The following ERBB4 variants were observed in gnomAD, a reference collection of about 807,000 sequenced individuals.
The protein encoded by ERBB4 is erb-b2 receptor tyrosine kinase 4, also known as receptor tyrosine-protein kinase erbB-4.
ERBB4 carries 42 observed loss-of-function variants against 158.0 expected under a neutral mutation model. The ratio of observed to expected loss-of-function variants is 0.27; its 90% CI spans 0.21 to 0.34. The LOEUF (loss-of-function observed/expected upper bound fraction) is 0.34. Ranked by LOEUF, ERBB4 falls within the 10% of genes least tolerant of loss-of-function variation. The probability of loss-of-function intolerance (pLI) is 1.00; values close to 1 mark genes in which losing one functional copy is unlikely to be tolerated. For missense variants in ERBB4, 1,333 were observed against 1,624.1 expected (o/e 0.82, Z 3.08); for synonymous variants, 583 against 558.7 (o/e 1.04, Z -0.61).
intron 4 of ERBB4, among the ~76,000 whole-genome samples, chr2:211,781,382 T>G (rs531288424): frequency 1.3e-5 from 2 of 152,316 alleles, no homozygotes; most frequent in East Asian, 1.9e-4. Context: ...TCTATGAATT[T>G]GCCAATTCCC....
chr2:211,382,849 A>G lies in ERBB4; in HGVS notation c.*766T>C, dbSNP rs543272144. On this transcript the variant is annotated 3_prime_UTR_variant, in exon 28 of 28. Transcript: ENST00000342788. ...AGTAGTGGCCATTTCACTATATTAA[A>G]ATATTTCTTGCTTAAATTCTGTGAA... 4.8e-4 allele frequency: 111 copies of G among 232,782 alleles called. 1 individual carries two copies. The highest frequency in any genetic ancestry group is 2.4e-3 in the South Asian group (13 of 5,528). 14.4% of individuals were successfully genotyped at this position (232,782 alleles called of 1,614,324 possible). A position where few individuals can be genotyped will look rare whatever the true frequency, so the allele number is the denominator to read the frequency against.
chr2:212,323,736 G>T (rs112672467), intron 1 of ERBB4, among the ~76,000 whole-genome samples: 3,784 of 150,540 alleles, frequency 0.025, 223 homozygotes, highest in Non-Finnish European at 0.039. Context: ...TAGAATATCG[G>T]TTATTTATCT....
intron 1 of ERBB4, among the ~76,000 whole-genome samples, chr2:212,487,981 C>G (rs1015470009): frequency 9.2e-5 from 14 of 152,094 alleles, no homozygotes; most frequent in African/African-American, 2.9e-4. Flanking sequence ...AACACGTGCT[C>G]TCTTCTCAGC....
chr2:211,795,673 C>T (rs13425683), intron 3 of ERBB4, among the ~76,000 whole-genome samples: 5,669 of 151,508 alleles, frequency 0.037, 354 homozygotes, highest in African/African-American at 0.13. Flanking sequence ...ATGCAAAAGA[C>T]GGAGAAAATC....
Position 211,377,327 on chromosome 2 carries a change from G to T in ERBB4, c.*6288C>A. The T allele has an allele frequency of 8.6e-6, 2 of 233,204 alleles. No homozygotes were observed. Among genetic ancestry groups the T allele is most frequent in the East Asian group, 1.2e-4 (2 of 16,546 alleles). The allele number at this position is 233,204 out of a possible 1,614,324, so 14.4% of individuals were successfully genotyped here. ...CATTGGGGATAAAAATAGCAGTAAA[G>T]GCAAAGTGGTTTGGACAAGTTAGAC... is the stretch of plus-strand genomic sequence containing the variant. On this transcript the variant is annotated 3_prime_UTR_variant, in exon 28 of 28. Coordinates refer to ENST00000342788, the MANE Select transcript of ERBB4 (RefSeq NM_005235.3).
At chr2:212,505,078 G>A (rs1691115085) in intron 1 of ERBB4, among the ~76,000 whole-genome samples, 1 of 145,550 alleles carries the variant, frequency 6.9e-6, no homozygotes, top group Non-Finnish European at 1.5e-5. Context: ...TCTTGCTTTT[G>A]TTTTTGTTTC....
intron 4 of ERBB4, among the ~76,000 whole-genome samples, chr2:211,783,164 CTGTT>C (rs1233132124): frequency 4.6e-5 from 7 of 152,182 alleles, no homozygotes; most frequent in Non-Finnish European, 8.8e-5. Flanking sequence ...ATTTGGCTCT[CTGTT>C]TGTCTGTTAT....
intron 1 of ERBB4, among the ~76,000 whole-genome samples, chr2:212,222,450 C>T (rs1347949755): frequency 6.6e-6 from 1 of 151,548 alleles, no homozygotes; most frequent in Non-Finnish European, 1.5e-5. Context: ...CTGGTATTAG[C>T]TCCAACACTA....
chr2:212,075,079 C>T (rs1049337115), intron 2 of ERBB4, among the ~76,000 whole-genome samples: 1 of 151,802 alleles, frequency 6.6e-6, no homozygotes, highest in African/African-American at 2.4e-5. Context: ...CTATTCTCTT[C>T]TCAGCCATGA....
At chr2:212,154,889 A>G (rs1303343452) in intron 1 of ERBB4, among the ~76,000 whole-genome samples, 1 of 152,152 alleles carries the variant, frequency 6.6e-6, no homozygotes, top group African/African-American at 2.4e-5. Context: ...CCTGATAGGA[A>G]TGTTTTAATT....
rs566527074 is a variant in ERBB4, at chr2:212,369,252, A to C, written c.82+169197T>G. Among the ~76,000 whole-genome samples, 36 of 152,330 alleles carry C rather than the reference A, an allele frequency of 2.4e-4. No individual in the cohort carries two copies. The South Asian group carries it at 6.8e-3, about 29-fold the overall frequency. Reference sequence around the variant, plus strand: ...TAGGCTAACATTTCTGTATGACAACAGTGGAGCTGAGTGACACTGCTTCCT... The same window carrying C: ...TAGGCTAACATTTCTGTATGACAACCGTGGAGCTGAGTGACACTGCTTCCT... On this transcript the variant is annotated intron_variant, in intron 1 of 27. Coordinates refer to ENST00000342788, the MANE Select transcript of ERBB4 (RefSeq NM_005235.3).
At chr2:212,452,603 C>T (rs1688050733) in intron 1 of ERBB4, among the ~76,000 whole-genome samples, 1 of 152,074 alleles carries the variant, frequency 6.6e-6, no homozygotes, top group African/African-American at 2.4e-5. Flanking sequence ...CATTTTAATG[C>T]ACTCAGACCT....
chr2:211,909,393 T>C (rs944420805), intron 3 of ERBB4, among the ~76,000 whole-genome samples: 1 of 151,776 alleles, frequency 6.6e-6, no homozygotes, highest in Non-Finnish European at 1.5e-5. Flanking sequence ...TCAGGCAATT[T>C]TGTCATCGTG....
intron 2 of ERBB4, among the ~76,000 whole-genome samples, chr2:211,978,400 A>T (rs11695143): frequency 0.044 from 1,998 of 45,252 alleles, 28 homozygotes; most frequent in Non-Finnish European, 0.073. Context: ...CTGTCTGTCT[A>T]TCTATCTATC....
chr2:212,116,528 G>T (rs2079576710), intron 2 of ERBB4, among the ~76,000 whole-genome samples: 1 of 152,130 alleles, frequency 6.6e-6, no homozygotes, highest in Non-Finnish European at 1.5e-5. Context: ...GTTCTCTGCA[G>T]CCTCCAACTC....
At chr2:212,231,977 T>C (rs1383604201) in intron 1 of ERBB4, among the ~76,000 whole-genome samples, 2 of 152,348 alleles carry the variant, frequency 1.3e-5, no homozygotes, top group Non-Finnish European at 1.5e-5. Context: ...TGAATGATCT[T>C]AGACATGTGT....
At chr2:212,214,606 T>C (rs914030386) in intron 1 of ERBB4, among the ~76,000 whole-genome samples, 3 of 151,664 alleles carry the variant, frequency 2.0e-5, no homozygotes, top group African/African-American at 7.3e-5. Context: ...AAATCAAGTA[T>C]TGGCCAGAAC....
chr2:211,682,050 T>TCACACACA (rs60803024), intron 12 of ERBB4, among the ~76,000 whole-genome samples: 6,637 of 134,374 alleles, frequency 0.049, 212 homozygotes, highest in African/African-American at 0.062. Flanking sequence ...TTTATACACA[T>TCACACACA]CACACACACA....
intron 1 of ERBB4, among the ~76,000 whole-genome samples, chr2:212,149,132 A>T (rs987983209): frequency 1.3e-5 from 2 of 149,468 alleles, no homozygotes; most frequent in African/African-American, 5.0e-5. Context: ...AACCTGCACA[A>T]TGTGCACATG....
Sources: gnomAD v4.1 joint callset for allele counts (sites outside exome capture counted in the v4.1 genomes callset) on GRCh38, gnomAD v4.1.1 for gene constraint, MANE v1.5 for transcripts, NCBI Gene and HGNC (gene_info 2026-07-23, HGNC 2026-07-21) for gene names.